ZNF704: variants seen among roughly 807,000 people sequenced by gnomAD.
ZNF704 encodes glucocorticoid induced gene 1.
In ZNF704, 10 loss-of-function variants were observed where a neutral mutation model predicts 44.7. The ratio of observed to expected loss-of-function variants is 0.22; its 90% CI spans 0.14 to 0.38. The LOEUF (loss-of-function observed/expected upper bound fraction) is 0.38, where lower values mean the gene tolerates loss of function less well. Ranked by LOEUF, ZNF704 falls within the 10% of genes least tolerant of loss-of-function variation. The pLI, the probability that ZNF704 is intolerant of heterozygous loss-of-function variation, is 1.00. For synonymous variants in ZNF704, 211 were observed against 207.6 expected (o/e 1.02, Z -0.14); for missense variants, 390 against 545.5 (o/e 0.71, Z 2.84).
At chr8:80,644,879 T>C (rs550047733) in intron 7 of ZNF704, 2 of 771,004 alleles carry the variant, frequency 2.6e-6, no homozygotes, top group Non-Finnish European at 4.6e-6. Context: ...TGAAAGATGT[T>C]AGGAAGTAAG....
intron 1 of ZNF704, among the ~76,000 whole-genome samples, chr8:80,833,065 T>C (rs1331511553): frequency 6.6e-6 from 1 of 152,146 alleles, no homozygotes; most frequent in South Asian, 2.1e-4. Flanking sequence ...ATATTACTGC[T>C]GGCCAGGCGC....
intron 2 of ZNF704, among the ~76,000 whole-genome samples, chr8:80,766,319 C>T (rs1319602192): frequency 6.6e-6 from 1 of 152,040 alleles, no homozygotes; most frequent in Non-Finnish European, 1.5e-5. Flanking sequence ...TCTCAATGGC[C>T]AGGTTCCCTG....
At chr8:80,656,660 C>T (rs1053320053) in intron 7 of ZNF704, among the ~76,000 whole-genome samples, 10 of 152,178 alleles carry the variant, frequency 6.6e-5, no homozygotes, top group African/African-American at 2.4e-4. Flanking sequence ...TTCAGGAAAT[C>T]TAGCATAGGC....
intron 4 of ZNF704, among the ~76,000 whole-genome samples, chr8:80,682,548 C>A (rs1000883185): frequency 6.6e-6 from 1 of 152,228 alleles, no homozygotes; most frequent in Admixed American, 6.5e-5. Flanking sequence ...CAGTGCATTG[C>A]AGGGGGGCTA....
rs1817558409 is a variant in ZNF704 at position 80,630,011 on chromosome 8, T to C, written c.*11355A>G. On this transcript the variant is annotated 3_prime_UTR_variant, in exon 9 of 9. Coordinates refer to ENST00000327835, the MANE Select transcript of ZNF704 (RefSeq NM_001033723.3). ...TTTTTTAGAGCCTGATGTTTCAGAA[T>C]AAAGTTTCAATCTTTAAAAACATCA... 6.6e-6 allele frequency: 1 copy of C among 152,230 alleles called. No homozygotes were observed. The allele number at this position is 152,230 out of a possible 1,614,324, so 9.4% of individuals were successfully genotyped here.
chr8:80,796,683 A>G (rs1028552550), intron 2 of ZNF704, among the ~76,000 whole-genome samples: 3 of 152,142 alleles, frequency 2.0e-5, no homozygotes, highest in African/African-American at 7.2e-5. Context: ...GGACAGGCAT[A>G]GAGTGGACAT....
intron 2 of ZNF704, among the ~76,000 whole-genome samples, chr8:80,742,000 C>G: frequency 6.6e-6 from 1 of 152,162 alleles, no homozygotes; most frequent in Non-Finnish European, 1.5e-5. Flanking sequence ...ACCTAGTCCT[C>G]CATGCCCACA....
upstream of ZNF704, among the ~76,000 whole-genome samples, chr8:80,878,004 ACT>A (rs1252664765): frequency 3.9e-5 from 6 of 152,100 alleles, no homozygotes; most frequent in African/African-American, 1.4e-4. Flanking sequence ...GCAGCCCTGG[ACT>A]CTGTCTTCTT....
intron 2 of ZNF704, among the ~76,000 whole-genome samples, chr8:80,766,021 A>T (rs1807221500): frequency 6.6e-6 from 1 of 152,134 alleles, no homozygotes; most frequent in South Asian, 2.1e-4. Context: ...AAGTTTAGTG[A>T]ACTTTACTAT....
At chr8:80,809,888 T>G (rs1159491412) in intron 2 of ZNF704, among the ~76,000 whole-genome samples, 1 of 152,172 alleles carries the variant, frequency 6.6e-6, no homozygotes. Flanking sequence ...CCTGAATTCT[T>G]ATTTTTTTTA....
At chr8:80,662,870 C>T (rs1818122786) in intron 6 of ZNF704, among the ~76,000 whole-genome samples, 1 of 151,990 alleles carries the variant, frequency 6.6e-6, no homozygotes, top group Admixed American at 6.6e-5. Flanking sequence ...AAAGTAAATA[C>T]CTAACAATAA....
In ZNF704 at chr8:80,825,572, A is replaced by G. The variant is rs189135603; in HGVS notation, c.-21-3957T>C. 4.7e-3 allele frequency among the ~76,000 whole-genome samples: 719 copies of G among 152,296 alleles called. 7 individuals carry two copies. The highest frequency in any genetic ancestry group is 0.017 in the African/African-American group (687 of 41,554). ...AATTGAACTCAGCTCTGCACCAAGC[A>G]GACCTAATAGACATCTACAGAACTC... On this transcript the variant is annotated intron_variant, in intron 1 of 8. Coordinates refer to ENST00000327835, the MANE Select transcript of ZNF704 (RefSeq NM_001033723.3).
rs898409582 is a variant in ZNF704 at position 80,638,615 on chromosome 8, G to T, written c.*2751C>A. On this transcript the variant is annotated 3_prime_UTR_variant, in exon 9 of 9. Transcript: ENST00000327835. ...AAAAAAAAAAAACCCTAACTTGCACGATCAGTGGTGTATATTGGAATTCAT... is the reference window on the plus strand; with the variant it reads ...AAAAAAAAAAAACCCTAACTTGCACTATCAGTGGTGTATATTGGAATTCAT... 1.3e-5 allele frequency: 2 copies of T among 152,190 alleles called. No individual in the cohort carries two copies. The highest frequency in any genetic ancestry group is 4.8e-5 in the African/African-American group (2 of 41,340). 9.4% of individuals were successfully genotyped at this position (152,190 alleles called of 1,614,324 possible).
In ZNF704 at chr8:80,633,021, A is replaced by G. The variant is rs1817611992; in HGVS notation, c.*8345T>C. The G allele has an allele frequency of 6.6e-6, 1 of 152,188 alleles. No homozygotes were observed. The highest frequency in any genetic ancestry group is 1.5e-5 in the Non-Finnish European group (1 of 68,044). The allele number at this position is 152,188 out of a possible 1,614,324, so 9.4% of individuals were successfully genotyped here. On this transcript the variant is annotated 3_prime_UTR_variant, in exon 9 of 9. Transcript: ENST00000327835. Reference sequence around the variant, plus strand: ...TTACACTCAAGATGTTACACCTAGTAAATTAACGGGAGAAAGGTAAGATGA... The same window carrying G: ...TTACACTCAAGATGTTACACCTAGTGAATTAACGGGAGAAAGGTAAGATGA...
intron 7 of ZNF704, 29 bp from the exon 8 acceptor site, chr8:80,643,158 TG>T: frequency 6.4e-7 from 1 of 1,557,352 alleles, no homozygotes; most frequent in Non-Finnish European, 8.8e-7. Context: ...AGAAAGTTGA[TG>T]GGGCAGGTTC....
Position 80,821,533 on chromosome 8 carries a change from T to G in ZNF704, c.62A>C (p.Gln21Pro). The change falls in exon 2 of 9, where the codon CAA (glutamine) becomes CCA (proline). Residue 21 changes from glutamine to proline, a missense_variant. By Grantham distance (76) the Gln-to-Pro change is moderately conservative. Around this residue, in one of 3 missense-constraint regions of ZNF704, gnomAD observed 80 missense variants for 83.7 expected, o/e 0.96. Transcript: ENST00000327835. ...KRDCGKKMSHQHVFSLAMEED... is the reference protein window; with the variant it reads ...KRDCGKKMSHPHVFSLAMEED... ...CTCCATGGCCAAGGAAAACACGTGTTGATGAGACATTTTTTTACCACAGTC... is the reference window on the plus strand; with the variant it reads ...CTCCATGGCCAAGGAAAACACGTGTGGATGAGACATTTTTTTACCACAGTC... 3 of 1,614,148 alleles carry G rather than the reference T, an allele frequency of 1.9e-6. No individual in the cohort carries two copies. Among genetic ancestry groups the G allele is most frequent in the Non-Finnish European group, 2.5e-6 (3 of 1,180,022 alleles).
chr8:80,875,485 G>A (rs1330343971), upstream of ZNF704, among the ~76,000 whole-genome samples: 1 of 152,020 alleles, frequency 6.6e-6, no homozygotes, highest in Admixed American at 6.6e-5. Context: ...TGTATTTTTC[G>A]TAGAGACAGG....
At chr8:80,826,490 G>C (rs1160939621) in intron 1 of ZNF704, among the ~76,000 whole-genome samples, 3 of 151,886 alleles carry the variant, frequency 2.0e-5, no homozygotes, top group South Asian at 2.1e-4. Context: ...AATTCTACCA[G>C]AGGTACAAAG....
At chr8:80,811,463 T>C (rs183330086) in intron 2 of ZNF704, among the ~76,000 whole-genome samples, 2 of 152,308 alleles carry the variant, frequency 1.3e-5, no homozygotes, top group Non-Finnish European at 2.9e-5. Context: ...TCATATAACC[T>C]GCAGCAGAGA....
Sources: gnomAD v4.1 joint callset for allele counts (sites outside exome capture counted in the v4.1 genomes callset) on GRCh38, gnomAD v4.1.1 for gene constraint, gnomAD v4.1.1 regional missense constraint, MANE v1.5 for transcripts, NCBI Gene and HGNC (gene_info 2026-07-23, HGNC 2026-07-21) for gene names.